The following DOCK8 variants were observed in gnomAD, a reference collection of about 807,000 sequenced individuals.
DOCK8 encodes the protein dedicator of cytokinesis 8, also known as dedicator of cytokinesis protein 8.
Under a neutral mutation model 245.6 loss-of-function variants are expected in DOCK8, and 141 were observed. That is an observed-to-expected ratio of 0.57 (90% CI 0.50 to 0.66). The LOEUF (loss-of-function observed/expected upper bound fraction) is 0.66, where lower values mean the gene tolerates loss of function less well. Ranked by LOEUF, DOCK8 falls within the 30% of genes least tolerant of loss-of-function variation. The probability of loss-of-function intolerance (pLI) is 0.00; values close to 1 mark genes in which losing one functional copy is unlikely to be tolerated. For synonymous variants in DOCK8, 1,168 were observed against 970.2 expected (o/e 1.20, Z -3.79); for missense variants, 2,965 against 2,603.4 (o/e 1.14, Z -3.02).
intron 1 of DOCK8, among the ~76,000 whole-genome samples, chr9:228,918 G>T (rs1040408627): frequency 3.3e-5 from 5 of 152,304 alleles, no homozygotes; most frequent in East Asian, 1.9e-4. Flanking sequence ...GGTGCTGACT[G>T]TTGGCTGAGC....
rs1476861936 is a variant in DOCK8, at chr9:400,016, C to CCAT, written c.3234+759_3234+760insTCA. On this transcript the variant is annotated intron_variant, in intron 26 of 47. Coordinates refer to ENST00000432829, the MANE Select transcript of DOCK8 (RefSeq NM_203447.4). ...ACCACCTCCACCACCTCCACCATCA[C>CCAT]CACCACCTCCACCATCACCACCACC... is the stretch of plus-strand genomic sequence containing the variant. Among the ~76,000 whole-genome samples the CCAT allele has an allele frequency of 1.1e-4, 11 of 103,458 alleles. No homozygotes were observed. The East Asian group carries it at 1.6e-3, about 15-fold the overall frequency. 67.9% of individuals were successfully genotyped at this position (103,458 alleles called of 152,430 possible). A position where few individuals can be genotyped will look rare whatever the true frequency, so the allele number is the denominator to read the frequency against.
chr9:214,810 C>T (rs577652819), upstream of DOCK8: 6 of 1,593,604 alleles, frequency 3.8e-6, no homozygotes, highest in Admixed American at 8.6e-5. Context: ...TCGGACCCTC[C>T]CCCGGGGTGA....
chr9:338,712 T>C (rs1246817067), intron 12 of DOCK8, among the ~76,000 whole-genome samples: 2 of 152,036 alleles, frequency 1.3e-5, no homozygotes, highest in East Asian at 3.8e-4. Flanking sequence ...GTGAGAGTTA[T>C]CGGGGGGAAG....
chr9:216,860 T>G (rs777547150), intron 1 of DOCK8, among the ~76,000 whole-genome samples: 6 of 151,920 alleles, frequency 3.9e-5, no homozygotes, highest in Non-Finnish European at 7.4e-5. Context: ...AACTGCGGGG[T>G]CGGTGTCACC....
intron 31 of DOCK8, 53 bp from the exon 32 acceptor site, chr9:420,896 C>A: frequency 6.2e-7 from 1 of 1,608,682 alleles, no homozygotes; most frequent in Non-Finnish European, 8.5e-7. Context: ...TAACTCTCCC[C>A]ATCAACGGAG....
Position 259,451 on chromosome 9 carries a change from T to C in DOCK8, c.54-12176T>C, listed in dbSNP as rs1431509047. Reference sequence around the variant, plus strand: ...AAATGCATTTTTAAGCTTATACCCATATAATAAGCATAGTAACTAACAGAA... The same window carrying C: ...AAATGCATTTTTAAGCTTATACCCACATAATAAGCATAGTAACTAACAGAA... On this transcript the variant is annotated intron_variant, in intron 1 of 47. Transcript: ENST00000432829. Among the ~76,000 whole-genome samples the C allele has an allele frequency of 2.0e-5, 3 of 152,232 alleles. No homozygotes were observed. In the East Asian group the frequency reaches 5.8e-4, roughly 29 times the overall value.
intron 43 of DOCK8, among the ~76,000 whole-genome samples, chr9:445,451 T>C (rs552223631): frequency 1.3e-5 from 2 of 152,338 alleles, no homozygotes; most frequent in Admixed American, 6.5e-5. Flanking sequence ...TGAGTACTTA[T>C]TCGCTCTGTG....
rs148796842 is a variant in DOCK8, at chr9:418,193, G to A, written c.3826G>A (p.Val1276Met). Residue 1276 changes from valine (V) to methionine (M), a missense_variant, in exon 30 of 48, where the codon GTG (valine) becomes ATG (methionine). Coordinates refer to ENST00000432829, the MANE Select transcript of DOCK8 (RefSeq NM_203447.4). ...TTTCAATTTGAAAACAAGTGGAATA[G>A]TGCTGTCTTCCTTGGTATGTTGGTG... ...NNFNLKTSGI[V>M]LSSLPYKQYN... 1 of 1,614,202 alleles carries A rather than the reference G, an allele frequency of 6.2e-7. No individual in the cohort carries two copies. Among genetic ancestry groups the A allele is most frequent in the South Asian group, 1.1e-5 (1 of 91,084 alleles).
intron 1 of DOCK8, among the ~76,000 whole-genome samples, chr9:219,258 T>G (rs1478428188): frequency 6.6e-6 from 1 of 152,026 alleles, no homozygotes; most frequent in Non-Finnish European, 1.5e-5. Flanking sequence ...TCACCTGAGG[T>G]CAGGAGTTCA....
At chr9:301,465 T>C (rs1354044262) in intron 4 of DOCK8, among the ~76,000 whole-genome samples, 4 of 152,122 alleles carry the variant, frequency 2.6e-5, no homozygotes, top group South Asian at 2.1e-4. Flanking sequence ...TCACCACTTA[T>C]ATCAACATGG....
At chr9:450,036 A>G in intron 45 of DOCK8, 109 bp downstream of exon 45, 3 of 1,256,622 alleles carry the variant, frequency 2.4e-6, no homozygotes, top group Non-Finnish European at 2.2e-6. Context: ...TCCATAGACA[A>G]ACACAGAAAT....
intron 14 of DOCK8, among the ~76,000 whole-genome samples, chr9:355,884 T>C (rs1249174829): frequency 1.3e-5 from 2 of 152,222 alleles, no homozygotes; most frequent in African/African-American, 4.8e-5. Context: ...TCACTGTAGC[T>C]ATGGAAAGGT....
chr9:222,004 C>T (rs974967362), intron 1 of DOCK8, among the ~76,000 whole-genome samples: 1 of 151,908 alleles, frequency 6.6e-6, no homozygotes, highest in Non-Finnish European at 1.5e-5. Flanking sequence ...CTGGAACCTG[C>T]CTCCCGGTGC....
At chr9:411,098 A>C (rs914787755) in intron 28 of DOCK8, among the ~76,000 whole-genome samples, 1 of 152,154 alleles carries the variant, frequency 6.6e-6, no homozygotes, top group Non-Finnish European at 1.5e-5. Context: ...TCCCACATAC[A>C]CCTACTATGT....
At position 421,082 on chromosome 9, in the gene DOCK8, T is replaced by A. The variant is rs2056257178; in HGVS notation, c.4153+4T>A. The A allele has an allele frequency of 6.2e-7, 1 of 1,613,778 alleles. No homozygotes were observed. The highest frequency in any genetic ancestry group is 1.7e-5 in the Admixed American group (1 of 60,004). ...ATGATGCGCCGCCGGGCTCCAGGTG[T>A]GTTGGACTGGCCCTTCCCTGCTCTC... On this transcript the variant is annotated splice_donor_region_variant and intron_variant, in intron 32 of 47. Transcript: ENST00000432829.
intron 6 of DOCK8, among the ~76,000 whole-genome samples, chr9:314,134 G>A (rs2050244704): frequency 1.3e-5 from 2 of 152,106 alleles, no homozygotes; most frequent in Non-Finnish European, 2.9e-5. Flanking sequence ...ATGACTACCT[G>A]GTATGTTGGG....
intron 1 of DOCK8, among the ~76,000 whole-genome samples, chr9:234,772 A>C (rs1397265004): frequency 6.6e-6 from 1 of 151,286 alleles, no homozygotes; most frequent in Non-Finnish European, 1.5e-5. Flanking sequence ...ACTTCTTTGC[A>C]TTGGTTATTC....
intron 44 of DOCK8, among the ~76,000 whole-genome samples, chr9:447,060 G>A (rs142118777): frequency 5.3e-5 from 8 of 152,238 alleles, no homozygotes; most frequent in East Asian, 1.9e-4. Flanking sequence ...GGAAAGGGCC[G>A]TGTAAGGTAG....
At position 217,102 on chromosome 9, in the gene DOCK8, A is replaced by G. The variant is rs116421279; in HGVS notation, c.53+2073A>G. On this transcript the variant is annotated intron_variant, in intron 1 of 47. Coordinates refer to ENST00000432829, the MANE Select transcript of DOCK8 (RefSeq NM_203447.4). ...CAAGTGCTGGATGTGTAACATACACATTGGAATTTAGAGACAGTACAGAAA... is the reference window on the plus strand; with the variant it reads ...CAAGTGCTGGATGTGTAACATACACGTTGGAATTTAGAGACAGTACAGAAA... 2.7e-3 allele frequency among the ~76,000 whole-genome samples: 417 copies of G among 152,302 alleles called. 3 individuals are homozygous for G. The highest frequency in any genetic ancestry group is 9.6e-3 in the African/African-American group (401 of 41,566).
Sources: gnomAD v4.1 joint callset for allele counts (sites outside exome capture counted in the v4.1 genomes callset) on GRCh38, gnomAD v4.1.1 for gene constraint, MANE v1.5 for transcripts, NCBI Gene and HGNC (gene_info 2026-07-23, HGNC 2026-07-21) for gene names.